Variants in RAD51B observed in about 807,000 individuals in gnomAD.
The protein encoded by RAD51B is DNA repair protein RAD51 homolog 2.
RAD51B carries 38 observed loss-of-function variants against 42.2 expected under a neutral mutation model. That is an observed-to-expected ratio of 0.90 (90% CI 0.70 to 1.18). The LOEUF (loss-of-function observed/expected upper bound fraction) is 1.18, where lower values mean the gene tolerates loss of function less well. RAD51B is among the 50% of genes most tolerant of loss of function. The pLI, the probability that RAD51B is intolerant of heterozygous loss-of-function variation, is 0.00. For synonymous variants in RAD51B, 154 were observed against 145.2 expected (o/e 1.06, Z -0.43); for missense variants, 373 against 400.7 (o/e 0.93, Z 0.59).
chr14:68,280,660 G>A (rs2081303207), intron 7 of RAD51B, among the ~76,000 whole-genome samples: 2 of 152,132 alleles, frequency 1.3e-5, no homozygotes, highest in South Asian at 4.2e-4. Context: ...TAGAGATGTA[G>A]AAACACATAA....
At chr14:67,824,984 A>G (rs1832351267) in intron 2 of RAD51B, among the ~76,000 whole-genome samples, 1 of 149,070 alleles carries the variant, frequency 6.7e-6, no homozygotes, top group Admixed American at 6.8e-5. Context: ...AGTCTCAGGC[A>G]GAAGAATCGC....
intron 7 of RAD51B, among the ~76,000 whole-genome samples, chr14:68,278,494 G>A (rs909453195): frequency 6.6e-6 from 1 of 152,188 alleles, no homozygotes; most frequent in African/African-American, 2.4e-5. Flanking sequence ...TGGGTACCCA[G>A]TAAATGTTAG....
chr14:68,566,665 G>T (rs1245692630), intron 10 of RAD51B, among the ~76,000 whole-genome samples: 4 of 152,098 alleles, frequency 2.6e-5, no homozygotes, highest in African/African-American at 9.7e-5. Flanking sequence ...AACCCCCCCG[G>T]TGCCTCAGTG....
rs578126110 is a variant in RAD51B at position 68,476,926 on chromosome 14, GC to G, written c.1037-720del. Among the ~76,000 whole-genome samples, 418 of 152,266 alleles carry G rather than the reference GC, an allele frequency of 2.7e-3. 3 individuals carry two copies. Among genetic ancestry groups the G allele is most frequent in the African/African-American group, 9.5e-3 (394 of 41,542 alleles). On this transcript the variant is annotated intron_variant, in intron 10 of 10. Coordinates refer to ENST00000471583, the MANE Select transcript of RAD51B (RefSeq NM_133510.4). ...CCCAGCTAGACTGCTTGAGAACCTGGCCTTCCATGTCCAGATGTTTACTGAA... is the reference window on the plus strand; with the variant it reads ...CCCAGCTAGACTGCTTGAGAACCTGGCTTCCATGTCCAGATGTTTACTGAA...
chr14:68,358,575 TCTTA>T (rs2082955061), intron 8 of RAD51B, among the ~76,000 whole-genome samples: 1 of 152,240 alleles, frequency 6.6e-6, no homozygotes, highest in Non-Finnish European at 1.5e-5. Flanking sequence ...TGAAACAATA[TCTTA>T]CTGTCATTTA....
chr14:68,154,064 A>G (rs927497670), intron 7 of RAD51B, among the ~76,000 whole-genome samples: 1 of 152,190 alleles, frequency 6.6e-6, no homozygotes, highest in African/African-American at 2.4e-5. Context: ...GTTCTGAGTT[A>G]ATTTCAATTG....
intron 7 of RAD51B, among the ~76,000 whole-genome samples, chr14:68,050,312 C>A (rs1453383642): frequency 6.6e-6 from 1 of 151,942 alleles, no homozygotes; most frequent in Non-Finnish European, 1.5e-5. Flanking sequence ...TTCCCCATCA[C>A]CCCCTTGATA....
At chr14:68,262,142 T>TGCACACACAAATACAC (rs2080903066) in intron 7 of RAD51B, among the ~76,000 whole-genome samples, 3 of 152,208 alleles carry the variant, frequency 2.0e-5, no homozygotes, top group Admixed American at 2.0e-4. Context: ...GCAGCATGTG[T>TGCACACACAAATACAC]GTGTGTGCAC....
chr14:68,548,020 G>A (rs913451822), intron 10 of RAD51B, among the ~76,000 whole-genome samples: 7 of 152,208 alleles, frequency 4.6e-5, no homozygotes, highest in African/African-American at 1.4e-4. Context: ...CTCCATGGAA[G>A]GCATCCTGTC....
intron 7 of RAD51B, among the ~76,000 whole-genome samples, chr14:67,936,835 A>T (rs1351192248): frequency 6.6e-6 from 1 of 152,160 alleles, no homozygotes; most frequent in East Asian, 1.9e-4. Flanking sequence ...ATGGCTGATG[A>T]TGTTGAGAAT....
chr14:68,682,803 A>G (rs1370656296), intron 11 of RAD51B: 5 of 321,724 alleles, frequency 1.6e-5, no homozygotes, highest in African/African-American at 2.3e-5. Context: ...AAAAGTGGGG[A>G]GAGGGCGGGG....
Position 67,863,043 on chromosome 14 carries a change from T to C in RAD51B, c.316-1960T>C, listed in dbSNP as rs533438941. Among the ~76,000 whole-genome samples, 20 of 152,190 alleles carry C rather than the reference T, an allele frequency of 1.3e-4. No homozygotes were observed. The South Asian group carries it at 4.1e-3, about 32-fold the overall frequency. On this transcript the variant is annotated intron_variant, in intron 4 of 10. Transcript: ENST00000471583. ...AAGTTTGGAGAACTCTCTTTACTGATCTCTCATAATCTGGCAAGCTATTAT... is the reference window on the plus strand; with the variant it reads ...AAGTTTGGAGAACTCTCTTTACTGACCTCTCATAATCTGGCAAGCTATTAT...
chr14:68,149,267 C>A (rs914246926), intron 7 of RAD51B, among the ~76,000 whole-genome samples: 1 of 152,068 alleles, frequency 6.6e-6, no homozygotes, highest in Non-Finnish European at 1.5e-5. Context: ...TATTCAAACT[C>A]ATTGCCAAGC....
At position 68,468,559 on chromosome 14, in the gene RAD51B, T is replaced by C. The variant is rs1009960484; in HGVS notation, c.1036+309T>C. The C allele has an allele frequency of 3.3e-5, 13 of 393,846 alleles. No homozygotes were observed. In the Middle Eastern group the frequency reaches 4.1e-3, roughly 124 times the overall value. The allele number at this position is 393,846 out of a possible 1,614,324, so 24.4% of individuals were successfully genotyped here. A position where few individuals can be genotyped will look rare whatever the true frequency, so the allele number is the denominator to read the frequency against. On this transcript the variant is annotated intron_variant, in intron 10 of 10. Coordinates refer to ENST00000471583, the MANE Select transcript of RAD51B (RefSeq NM_133510.4). ...CCACCCCATTCCTCTTTGCAGATCC[T>C]ATGGCATGAAGTGGGCAATGATTCT...
intron 7 of RAD51B, among the ~76,000 whole-genome samples, chr14:68,088,312 A>G (rs886331250): frequency 2.6e-5 from 4 of 152,084 alleles, no homozygotes; most frequent in African/African-American, 9.6e-5. Context: ...TTTAAGGTAT[A>G]TGGAAATAAA....
chr14:68,034,390 G>T (rs965454342), intron 7 of RAD51B, among the ~76,000 whole-genome samples: 2 of 151,896 alleles, frequency 1.3e-5, no homozygotes, highest in Non-Finnish European at 2.9e-5. Context: ...TCCTACTTCA[G>T]GCTCCTGAGT....
intron 4 of RAD51B, chr14:67,864,751 G>A (rs1394837111): frequency 1.6e-6 from 1 of 606,196 alleles, no homozygotes; most frequent in South Asian, 1.5e-5. Flanking sequence ...AAAATACAGT[G>A]GATGATTTGA....
intron 7 of RAD51B, among the ~76,000 whole-genome samples, chr14:68,264,227 TC>T (rs1410064970): frequency 1.3e-5 from 2 of 152,234 alleles, no homozygotes; most frequent in Non-Finnish European, 2.9e-5. Flanking sequence ...TAGCTGGTAC[TC>T]AGGGGTAGGG....
intron 7 of RAD51B, among the ~76,000 whole-genome samples, chr14:67,972,343 C>T (rs72725146): frequency 6.6e-6 from 1 of 151,936 alleles, no homozygotes; most frequent in African/African-American, 2.4e-5. Flanking sequence ...ATCTGAACAC[C>T]TAAGAAGTTT....
Sources: allele counts gnomAD v4.1 joint callset (sites outside exome capture counted in the v4.1 genomes callset), GRCh38; gene constraint gnomAD v4.1.1; transcripts MANE v1.5; gene names NCBI Gene and HGNC (gene_info 2026-07-23, HGNC 2026-07-21).